Variants in CLPSL1 observed in about 807,000 individuals in gnomAD.
The protein encoded by CLPSL1 is colipase-like protein 1.
In CLPSL1, 13 loss-of-function variants were observed where a neutral mutation model predicts 9.3. The ratio of observed to expected loss-of-function variants is 1.40; its 90% confidence interval spans 0.91 to 2.22. The LOEUF is 2.22. Ranked by LOEUF, CLPSL1 falls within the 30% of genes most tolerant of loss-of-function variation. The pLI is 0.00. For missense variants in CLPSL1, 164 were observed against 146.6 expected (o/e 1.12, Z -0.61); for synonymous variants, 58 against 56.9 (o/e 1.02, Z -0.08).
rs1767995008 is a variant in CLPSL1, at chr6:35,782,987, C to T, written c.99+1778C>T. Among the ~76,000 whole-genome samples, 3 of 152,066 alleles carry T rather than the reference C, an allele frequency of 2.0e-5. No homozygotes were observed. In the South Asian group the frequency reaches 6.2e-4, roughly 32 times the overall value. ...TATATAACATATGTGGTAAAAATCA[C>T]ACCTTACTAGGTGCTCAGATCTTGA... On this transcript the variant is annotated intron_variant, in intron 1 of 2. Transcript: ENST00000373861.
downstream of CLPSL1, among the ~76,000 whole-genome samples, chr6:35,790,424 T>C (rs1159879842): frequency 6.6e-6 from 1 of 152,386 alleles, no homozygotes; most frequent in African/African-American, 2.4e-5. Context: ...GGAGGAAAAC[T>C]TTTCCTCTAT....
downstream of CLPSL1, among the ~76,000 whole-genome samples, chr6:35,792,431 A>G (rs993560203): frequency 6.6e-6 from 1 of 152,286 alleles, no homozygotes; most frequent in Non-Finnish European, 1.5e-5. Context: ...CATGTAATTT[A>G]TTGATGTTCT....
chr6:35,791,019 T>C (rs1768174760), downstream of CLPSL1, among the ~76,000 whole-genome samples: 1 of 146,862 alleles, frequency 6.8e-6, no homozygotes, highest in African/African-American at 2.6e-5. Flanking sequence ...CATTCCAGCC[T>C]GGGTGACAGA....
downstream of CLPSL1, chr6:35,788,213 T>G: frequency 1.8e-5 from 10 of 564,184 alleles, no homozygotes; most frequent in East Asian, 7.7e-5. Flanking sequence ...TACAGGTTTC[T>G]GGGGGGTGGG....
In CLPSL1 at chr6:35,786,030, C is replaced by T. The variant is rs553492763; in HGVS notation, c.100-968C>T. ...CTGTAATCCTAGCACTTTGGGAGGC[C>T]GAGGCGGGTGGATCACCTGAGGTCA... On this transcript the variant is annotated intron_variant, in intron 1 of 2. Transcript: ENST00000373861. 6.6e-5 allele frequency among the ~76,000 whole-genome samples: 10 copies of T among 151,808 alleles called. No homozygotes were observed. In the South Asian group the frequency reaches 1.7e-3, roughly 25 times the overall value.
chr6:35,790,903 C>T (rs148521236), downstream of CLPSL1, among the ~76,000 whole-genome samples: 718 of 152,108 alleles, frequency 4.7e-3, no homozygotes, highest in African/African-American at 0.016. Context: ...GCAACATAGC[C>T]GGTGGTGGCA....
At chr6:35,787,820 G>A in intron 2 of CLPSL1, 47 bp from the exon 3 acceptor site, 1 of 1,580,432 alleles carries the variant, frequency 6.3e-7, no homozygotes, top group South Asian at 1.1e-5. Context: ...TAGGGGCTCA[G>A]GGAAGAGCTG....
downstream of CLPSL1, among the ~76,000 whole-genome samples, chr6:35,791,667 G>C (rs375581602): frequency 6.6e-5 from 10 of 152,194 alleles, no homozygotes; most frequent in Admixed American, 5.2e-4. Flanking sequence ...GTGGTGGCTT[G>C]TGCCTGTAAT....
At chr6:35,786,803 A>G (rs1327322746) in intron 1 of CLPSL1, among the ~76,000 whole-genome samples, 195 bp from the exon 2 acceptor site, 1 of 152,278 alleles carries the variant, frequency 6.6e-6, no homozygotes, top group Non-Finnish European at 1.5e-5. Flanking sequence ...AAAACTGTTC[A>G]GTCCCCTCCA....
chr6:35,793,007 A>C (rs571963012), downstream of CLPSL1, among the ~76,000 whole-genome samples: 3 of 152,390 alleles, frequency 2.0e-5, no homozygotes, highest in South Asian at 6.2e-4. Context: ...ACCTGGCCCC[A>C]GGAGAAGGAT....
At chr6:35,791,034 G>A (rs945369477), downstream of CLPSL1, among the ~76,000 whole-genome samples, 386 of 145,806 alleles carry the variant, frequency 2.6e-3, no homozygotes, top group African/African-American at 9.5e-3. Context: ...GACAGAGCAA[G>A]ACTCTGTCTC....
downstream of CLPSL1, chr6:35,788,292 G>C (rs534264022): frequency 1.4e-4 from 63 of 445,006 alleles, no homozygotes; most frequent in African/African-American, 1.2e-3. Flanking sequence ...GTTGGGGCAT[G>C]AATGAAAGTC....
chr6:35,793,693 C>A, downstream of CLPSL1: 1 of 434,212 alleles, frequency 2.3e-6, no homozygotes, highest in Admixed American at 2.6e-5. Context: ...GGTTTTTCTG[C>A]TACTCACAGT....
chr6:35,793,744 A>T (rs1023467450), downstream of CLPSL1: 1 of 370,596 alleles, frequency 2.7e-6, no homozygotes, highest in Admixed American at 3.4e-5. Context: ...TTACAGGAGG[A>T]TTCATTGATC....
chr6:35,788,842 C>T (rs1049837449), downstream of CLPSL1, among the ~76,000 whole-genome samples: 24 of 152,344 alleles, frequency 1.6e-4, no homozygotes, highest in Middle Eastern at 3.4e-3. Context: ...GATGCTAGCT[C>T]GCTTGTCTGT....
chr6:35,781,387 TG>T (rs1767964450), intron 1 of CLPSL1, among the ~76,000 whole-genome samples, 178 bp downstream of exon 1: 1 of 152,030 alleles, frequency 6.6e-6, no homozygotes. Flanking sequence ...CTGGAAGCTG[TG>T]CCAGGGCAGT....
chr6:35,793,475 C>A (rs747914352), intron 1 of CLPSL1: 1 of 471,130 alleles, frequency 2.1e-6, no homozygotes, highest in Non-Finnish European at 4.4e-6. Flanking sequence ...TGCTCCTTCT[C>A]CCGCCTTCCC....
intron 2 of CLPSL1, 74 bp from the exon 3 acceptor site, chr6:35,787,793 C>G (rs1431716427): frequency 3.5e-6 from 5 of 1,434,602 alleles, no homozygotes; most frequent in Non-Finnish European, 4.8e-6. Context: ...GGCCCTGGAG[C>G]TGGGCTGGGC....
chr6:35,793,340 G>A (rs916226889), intron 1 of CLPSL1: 8 of 417,196 alleles, frequency 1.9e-5, no homozygotes, highest in East Asian at 7.1e-5. Flanking sequence ...CAGGAGAATC[G>A]CATGAACCCA....
Sources: gnomAD v4.1 joint callset for allele counts (sites outside exome capture counted in the v4.1 genomes callset) on GRCh38, gnomAD v4.1.1 for gene constraint, MANE v1.5 for transcripts, NCBI Gene and HGNC (gene_info 2026-07-23, HGNC 2026-07-21) for gene names.